EPC2: variants seen among roughly 807,000 people sequenced by gnomAD.
The protein encoded by EPC2 is enhancer of polycomb homolog 2.
Under a neutral mutation model 92.1 loss-of-function variants are expected in EPC2, and 14 were observed. The ratio of observed to expected loss-of-function variants is 0.15; its 90% confidence interval spans 0.10 to 0.24. The LOEUF (loss-of-function observed/expected upper bound fraction) is 0.24. Among genes scored for constraint, EPC2 ranks in the 10% least tolerant of loss-of-function variants. The pLI is 1.00. For missense variants in EPC2, 755 were observed against 971.5 expected, an observed-to-expected ratio of 0.78 and a Z score of 2.96; for synonymous variants, 340 against 334.7, an observed-to-expected ratio of 1.02 and a Z score of -0.17.
intron 2 of EPC2, among the ~76,000 whole-genome samples, chr2:148,704,266 T>C (rs1410577074): frequency 4.6e-5 from 7 of 152,116 alleles, no homozygotes; most frequent in Admixed American, 3.3e-4. Context: ...ACCTGAGACA[T>C]TGGCCAAGTG....
intron 7 of EPC2, among the ~76,000 whole-genome samples, chr2:148,765,706 A>G (rs1415447938): frequency 6.6e-6 from 1 of 152,238 alleles, no homozygotes; most frequent in Non-Finnish European, 1.5e-5. Flanking sequence ...AAATATTTTT[A>G]TAAGTGCTGT....
chr2:148,698,409 G>A (rs528269766), intron 2 of EPC2, among the ~76,000 whole-genome samples: 10 of 152,032 alleles, frequency 6.6e-5, no homozygotes, highest in East Asian at 1.9e-4. Flanking sequence ...AGGCTGAGGC[G>A]GGTGGATCAC....
chr2:148,715,025 GTTTTTTTTT>G (rs60115354), intron 2 of EPC2, among the ~76,000 whole-genome samples: 2 of 86,860 alleles, frequency 2.3e-5, no homozygotes, highest in Non-Finnish European at 4.3e-5. Context: ...TTCTTCTAGG[GTTTTTTTTT>G]TTTTTTTTTT....
intron 1 of EPC2, among the ~76,000 whole-genome samples, chr2:148,682,447 G>C (rs927145267): frequency 6.6e-6 from 1 of 152,158 alleles, no homozygotes; most frequent in Non-Finnish European, 1.5e-5. Context: ...TTAATGAGTA[G>C]TGTTTTTGAC....
At chr2:148,718,949 T>C (rs1685554676) in intron 2 of EPC2, among the ~76,000 whole-genome samples, 1 of 152,298 alleles carries the variant, frequency 6.6e-6, no homozygotes, top group South Asian at 2.1e-4. Flanking sequence ...TTCCTTCTTT[T>C]TTCTCTAGTA....
At chr2:148,647,451 G>C (rs1175240772) in intron 1 of EPC2, among the ~76,000 whole-genome samples, 1 of 151,060 alleles carries the variant, frequency 6.6e-6, no homozygotes, top group Non-Finnish European at 1.5e-5. Context: ...GAGATTATAG[G>C]CGCCCACTAC....
intron 13 of EPC2, among the ~76,000 whole-genome samples, chr2:148,785,899 G>C (rs1192388790): frequency 6.6e-6 from 1 of 151,948 alleles, no homozygotes; most frequent in South Asian, 2.1e-4. Flanking sequence ...TAAGCCTATA[G>C]AATTAAACTC....
chr2:148,753,974 C>T lies in EPC2; in HGVS notation c.507C>T (p.Tyr169=), dbSNP rs775591435. 2 of 1,612,018 alleles carry T rather than the reference C, an allele frequency of 1.2e-6. No individual in the cohort carries two copies. The highest frequency in any genetic ancestry group is 1.7e-5 in the Admixed American group (1 of 59,736). ...AACTGCTGCTAAACGAAGATGATTA[C>T]CTTATTAAAGCTGTATATGACTACT... The part of the protein sequence containing the change: ...EAKLLLNEDD[Y]LIKAVYDYWV... The change falls in exon 4 of 14, where the codon TAC becomes TAT. Residue 169 remains tyrosine, a synonymous_variant. Transcript: ENST00000258484.
chr2:148,721,590 G>T (rs1473277266), intron 2 of EPC2, among the ~76,000 whole-genome samples: 2 of 151,702 alleles, frequency 1.3e-5, no homozygotes, highest in South Asian at 2.1e-4. Flanking sequence ...TCAATCTGTG[G>T]TTTGATGCCT....
chr2:148,773,584 G>C (rs1411222031), intron 10 of EPC2, among the ~76,000 whole-genome samples: 12 of 152,004 alleles, frequency 7.9e-5, no homozygotes, highest in Non-Finnish European at 1.6e-4. Context: ...CTTCTTCACT[G>C]ACTGTGACCC....
chr2:148,784,629 G>T, intron 12 of EPC2, 39 bp from the exon 13 acceptor site: 1 of 1,370,042 alleles, frequency 7.3e-7, no homozygotes, highest in Non-Finnish European at 1.0e-6. Context: ...TTGTATTGAT[G>T]TCTCATGATA....
At chr2:148,680,228 T>C (rs1681366673) in intron 1 of EPC2, among the ~76,000 whole-genome samples, 1 of 152,166 alleles carries the variant, frequency 6.6e-6, no homozygotes, top group African/African-American at 2.4e-5. Context: ...TTTTACTTTC[T>C]TTGGGCATCT....
intron 7 of EPC2, among the ~76,000 whole-genome samples, chr2:148,766,728 C>A (rs1403891277): frequency 1.3e-5 from 2 of 152,148 alleles, no homozygotes; most frequent in African/African-American, 4.8e-5. Context: ...CAGTAATACC[C>A]AGATGGCAGA....
intron 10 of EPC2, among the ~76,000 whole-genome samples, chr2:148,779,693 TTCTC>T (rs1349727437): frequency 2.0e-5 from 3 of 152,228 alleles, no homozygotes; most frequent in Non-Finnish European, 2.9e-5. Context: ...TCATTCTTGT[TTCTC>T]TCTCAATTTT....
At chr2:148,658,801 T>C (rs1273206268) in intron 1 of EPC2, among the ~76,000 whole-genome samples, 1 of 151,840 alleles carries the variant, frequency 6.6e-6, no homozygotes. Flanking sequence ...TGATAAGTGA[T>C]AAATGATATT....
intron 2 of EPC2, among the ~76,000 whole-genome samples, chr2:148,695,443 A>AGTTGT (rs1681725897): frequency 6.6e-6 from 1 of 152,236 alleles, no homozygotes; most frequent in African/African-American, 2.4e-5. Context: ...GATAAAGCTG[A>AGTTGT]CTGTTGTCAA....
At chr2:148,728,761 G>A (rs941072044) in intron 2 of EPC2, among the ~76,000 whole-genome samples, 2 of 150,844 alleles carry the variant, frequency 1.3e-5, no homozygotes, top group African/African-American at 4.9e-5. Context: ...GGCCGGGCAC[G>A]GTAGCTCACG....
At chr2:148,656,076 C>T (rs902254804) in intron 1 of EPC2, among the ~76,000 whole-genome samples, 2 of 144,738 alleles carry the variant, frequency 1.4e-5, no homozygotes, top group South Asian at 2.2e-4. Flanking sequence ...CTTTTTTACT[C>T]GGTAAAGTAA....
chr2:148,719,141 A>G (rs1031994364), intron 2 of EPC2, among the ~76,000 whole-genome samples: 4 of 152,110 alleles, frequency 2.6e-5, no homozygotes, highest in African/African-American at 7.2e-5. Context: ...CAGCTCCTGT[A>G]TAGTTTTAAC....
Sources: gnomAD v4.1 joint callset for allele counts (sites outside exome capture counted in the v4.1 genomes callset) on GRCh38, gnomAD v4.1.1 for gene constraint, MANE v1.5 for transcripts, NCBI Gene and HGNC (gene_info 2026-07-23, HGNC 2026-07-21) for gene names.